The following RAD50 variants were observed in gnomAD, a reference collection of about 807,000 sequenced individuals.
RAD50 encodes the protein RAD50 double strand break repair protein, also known as DNA repair protein RAD50.
A neutral mutation model predicts 168.8 loss-of-function variants in RAD50; 132 were observed. The observed-to-expected ratio is 0.78, with a 90% CI of 0.68 to 0.90. The LOEUF (loss-of-function observed/expected upper bound fraction) is 0.90, where lower values mean the gene tolerates loss of function less well. Ranked by LOEUF, RAD50 falls within the 40% of genes least tolerant of loss-of-function variation. The probability of loss-of-function intolerance (pLI) is 0.00; values close to 1 mark genes in which losing one functional copy is unlikely to be tolerated. For missense variants in RAD50, 1,347 were observed against 1,534.4 expected (o/e 0.88, Z 2.04); for synonymous variants, 525 against 497.4 (o/e 1.06, Z -0.74).
intron 2 of RAD50, among the ~76,000 whole-genome samples, chr5:132,569,252 A>T (rs745843955): frequency 1.4e-4 from 21 of 152,212 alleles, no homozygotes; most frequent in Non-Finnish European, 2.5e-4. Flanking sequence ...AAATAATTTT[A>T]AAAACCCAAA....
chr5:132,636,908 G>T (rs932856539), intron 21 of RAD50, among the ~76,000 whole-genome samples: 3 of 152,062 alleles, frequency 2.0e-5, no homozygotes, highest in African/African-American at 7.2e-5. Flanking sequence ...AAATAAGCCT[G>T]CCAATTTTCA....
chr5:132,609,271 T>G lies in RAD50; in HGVS notation c.2923-12T>G, dbSNP rs1182051626. The G allele has an allele frequency of 6.2e-7, 1 of 1,606,546 alleles. No homozygotes were observed. The highest frequency in any genetic ancestry group is 2.2e-5 in the East Asian group (1 of 44,754). On this transcript the variant is annotated splice_polypyrimidine_tract_variant and intron_variant, in intron 18 of 24. Transcript: ENST00000378823. Reference sequence around the variant, plus strand: ...TTTTATTCATGTGCTTAAAGAATTTTCTTTTTTGTAGCAAAAAGAAACTGA... The same window carrying G: ...TTTTATTCATGTGCTTAAAGAATTTGCTTTTTTGTAGCAAAAAGAAACTGA...
At chr5:132,607,460 A>G (rs967766524) in intron 16 of RAD50, among the ~76,000 whole-genome samples, 2 of 152,206 alleles carry the variant, frequency 1.3e-5, no homozygotes, top group Non-Finnish European at 2.9e-5. Context: ...AGTTATAAAC[A>G]ATCTTACCTA....
At chr5:132,592,579 C>T (rs192982972) in intron 11 of RAD50, among the ~76,000 whole-genome samples, 105 of 152,320 alleles carry the variant, frequency 6.9e-4, no homozygotes, top group South Asian at 1.5e-3. Flanking sequence ...CTAGCTTTCT[C>T]AGAACACTCT....
chr5:132,594,969 G>A lies in RAD50; in HGVS notation c.1894G>A (p.Val632Ile), dbSNP rs1220796191. Residue 632 changes from valine (V) to isoleucine (I), a missense_variant, in exon 12 of 25, where the codon GTT (valine) becomes ATT (isoleucine). Physicochemically the swap from Val to Ile is conservative, Grantham distance 29 (BLOSUM62 3). Coordinates refer to ENST00000378823, the MANE Select transcript of RAD50 (RefSeq NM_005732.4). The part of the protein sequence containing the change: ...LSSYEDKLFD[V>I]CGSQDFESDL... ...CAGTTACGAAGACAAGCTGTTTGAT[G>A]TTTGTGGTAGCCAGGATTTTGAAAG... The A allele has an allele frequency of 1.2e-6, 2 of 1,613,376 alleles. No homozygotes were observed. The highest frequency in any genetic ancestry group is 2.2e-5 in the South Asian group (2 of 91,066).
rs757167260 is a variant in RAD50, at chr5:132,559,386, T to G, written c.213+19T>G. ...TCCCAAGGTAATGGTGCTAGTACAA[T>G]TTTGTATTTTTATAATTATAAAAAT... On this transcript the variant is annotated intron_variant, in intron 2 of 24. Coordinates refer to ENST00000378823, the MANE Select transcript of RAD50 (RefSeq NM_005732.4). 6.3e-7 allele frequency: 1 copy of G among 1,590,216 alleles called. No individual in the cohort carries two copies. Among genetic ancestry groups the G allele is most frequent in the South Asian group, 1.2e-5 (1 of 85,210 alleles).
At chr5:132,620,826 T>C (rs1751272344) in intron 21 of RAD50, among the ~76,000 whole-genome samples, 1 of 152,240 alleles carries the variant, frequency 6.6e-6, no homozygotes, top group African/African-American at 2.4e-5. Context: ...TTATGTGTAT[T>C]ATATGCAGTA....
intron 16 of RAD50, among the ~76,000 whole-genome samples, chr5:132,607,474 TTATA>T (rs1751005057): frequency 1.3e-5 from 2 of 152,186 alleles, no homozygotes; most frequent in African/African-American, 4.8e-5. Flanking sequence ...TTACCTAGGT[TTATA>T]TAATTATGCG....
intron 4 of RAD50, 63 bp from the exon 5 acceptor site, chr5:132,579,799 T>A: frequency 7.5e-7 from 1 of 1,332,090 alleles, no homozygotes; most frequent in East Asian, 2.4e-5. Context: ...AATATCCCAC[T>A]GTATGAATAT....
At chr5:132,614,258 G>C (rs1751136865) in intron 19 of RAD50, among the ~76,000 whole-genome samples, 1 of 152,088 alleles carries the variant, frequency 6.6e-6, no homozygotes, top group African/African-American at 2.4e-5. Context: ...AAATGTTCTG[G>C]GGTATTAGAT....
At chr5:132,589,973 A>G in intron 9 of RAD50, 136 bp downstream of exon 9, 1 of 833,420 alleles carries the variant, frequency 1.2e-6, no homozygotes, top group Non-Finnish European at 1.9e-6. Flanking sequence ...AAATGAATTC[A>G]TCTGAATATC....
chr5:132,641,935 G>T, intron 24 of RAD50: 1 of 524,252 alleles, frequency 1.9e-6, no homozygotes, highest in South Asian at 2.6e-5. Flanking sequence ...TTGTATTCCT[G>T]TGAGTCCCTA....
chr5:132,611,850 C>T (rs756068839), intron 19 of RAD50, among the ~76,000 whole-genome samples: 8 of 151,892 alleles, frequency 5.3e-5, no homozygotes, highest in East Asian at 1.9e-4. Flanking sequence ...CAACAGACTT[C>T]GCAGGGCTTT....
intron 21 of RAD50, among the ~76,000 whole-genome samples, chr5:132,631,954 G>A (rs756090330): frequency 5.9e-5 from 9 of 151,944 alleles, no homozygotes; most frequent in East Asian, 1.9e-4. Flanking sequence ...ATCTCTTACC[G>A]TCCTTCCTAC....
At chr5:132,620,166 A>G (rs1374395059) in intron 21 of RAD50, among the ~76,000 whole-genome samples, 1 of 152,140 alleles carries the variant, frequency 6.6e-6, no homozygotes, top group Non-Finnish European at 1.5e-5. Flanking sequence ...TGGCCTCCCA[A>G]AGTGCTGGGA....
At chr5:132,565,281 C>G in intron 2 of RAD50, among the ~76,000 whole-genome samples, 1 of 133,706 alleles carries the variant, frequency 7.5e-6, no homozygotes, top group East Asian at 2.0e-4. Context: ...TTATAAGTTA[C>G]CCAGTTTCAG....
chr5:132,611,045 A>G (rs957122425), intron 19 of RAD50, among the ~76,000 whole-genome samples: 1 of 152,240 alleles, frequency 6.6e-6, no homozygotes, highest in East Asian at 1.9e-4. Flanking sequence ...AGAGAAGTGT[A>G]TAAAAAGTAT....
In RAD50 at chr5:132,602,103, G is replaced by A. The variant is rs527621125; in HGVS notation, c.2208-1197G>A. 6.0e-4 allele frequency among the ~76,000 whole-genome samples: 91 copies of A among 152,140 alleles called. 1 individual carries two copies. The South Asian group carries it at 0.017, about 28-fold the overall frequency. On this transcript the variant is annotated intron_variant, in intron 13 of 24. Transcript: ENST00000378823. ...TGTAACAAACCCACACGTTCTGCAC[G>A]TGTATCCCAGAACTTAAAGCATAAA...
intron 13 of RAD50, among the ~76,000 whole-genome samples, chr5:132,600,333 A>T (rs1750867954): frequency 6.6e-6 from 1 of 152,170 alleles, no homozygotes; most frequent in Non-Finnish European, 1.5e-5. Context: ...TGAAGGTGGC[A>T]GTGGAGTGGA....
Sources: allele counts gnomAD v4.1 joint callset (sites outside exome capture counted in the v4.1 genomes callset), GRCh38; gene constraint gnomAD v4.1.1; transcripts MANE v1.5; gene names NCBI Gene and HGNC (gene_info 2026-07-23, HGNC 2026-07-21).